The following PLEKHA2 variants were observed in gnomAD, a reference collection of about 807,000 sequenced individuals.
PLEKHA2 encodes the protein pleckstrin homology domain containing A2.
Under a neutral mutation model 53.2 loss-of-function variants are expected in PLEKHA2, and 28 were observed. That is an observed-to-expected ratio of 0.53 (90% CI 0.39 to 0.72). The LOEUF is 0.72. Among genes scored for constraint, PLEKHA2 ranks in the 30% least tolerant of loss-of-function variants. The pLI, the probability that PLEKHA2 is intolerant of heterozygous loss-of-function variation, is 0.00. For missense variants in PLEKHA2, 426 were observed against 537.9 expected (o/e 0.79, Z 2.06); for synonymous variants, 193 against 196.4 (o/e 0.98, Z 0.14).
At chr8:38,913,474 A>G (rs1833985939) in intron 1 of PLEKHA2, among the ~76,000 whole-genome samples, 1 of 152,064 alleles carries the variant, frequency 6.6e-6, no homozygotes, top group Non-Finnish European at 1.5e-5. Flanking sequence ...GATTGAGCCC[A>G]GGACAGTTAC....
chr8:38,968,079 C>G (rs1249034522), intron 10 of PLEKHA2, among the ~76,000 whole-genome samples: 1 of 152,076 alleles, frequency 6.6e-6, no homozygotes, highest in Non-Finnish European at 1.5e-5. Context: ...TTTCTGAAGG[C>G]AATACATATC....
chr8:38,937,522 G>T (rs1200985856), intron 3 of PLEKHA2, among the ~76,000 whole-genome samples: 1 of 152,090 alleles, frequency 6.6e-6, no homozygotes, highest in Non-Finnish European at 1.5e-5. Flanking sequence ...TTTGGTTGGG[G>T]AAGAATGAAT....
intron 3 of PLEKHA2, among the ~76,000 whole-genome samples, chr8:38,937,247 C>T (rs193286862): frequency 1.3e-5 from 2 of 152,322 alleles, no homozygotes; most frequent in African/African-American, 4.8e-5. Flanking sequence ...TTTTCAAGTC[C>T]AGCCTTGCTA....
At position 38,973,296 on chromosome 8, in the gene PLEKHA2, G is replaced by C. The variant is rs1004592720; in HGVS notation, c.*3513G>C. On this transcript the variant is annotated 3_prime_UTR_variant, in exon 12 of 12. Transcript: ENST00000617275. Reference sequence around the variant, plus strand: ...TCTGAGTTGAATACTCAGCTCCCACGAGAAAGAAAGTAGTTTTAAGGTCCA... The same window carrying C: ...TCTGAGTTGAATACTCAGCTCCCACCAGAAAGAAAGTAGTTTTAAGGTCCA... The C allele has an allele frequency of 1.3e-5, 2 of 151,990 alleles. No individual in the cohort carries two copies. The highest frequency in any genetic ancestry group is 2.9e-5 in the Non-Finnish European group (2 of 68,006). 9.4% of individuals were successfully genotyped at this position (151,990 alleles called of 1,614,324 possible).
intron 2 of PLEKHA2, among the ~76,000 whole-genome samples, chr8:38,920,041 G>C (rs1167663857): frequency 1.3e-5 from 2 of 151,798 alleles, no homozygotes; most frequent in South Asian, 4.2e-4. Flanking sequence ...GCATGATCTC[G>C]GCTCACTGCA....
rs1368121689 is a variant in PLEKHA2, at chr8:38,970,016, AG to A, written c.*235del. On this transcript the variant is annotated 3_prime_UTR_variant, in exon 12 of 12. Coordinates refer to ENST00000617275, the MANE Select transcript of PLEKHA2 (RefSeq NM_021623.2). ...GTGTATTTAATTTGGGGAAGTCACT[AG>A]GTTAGAACTGTAGGCATACTCAGTG... The A allele has an allele frequency of 1.6e-6, 1 of 619,500 alleles. No individual in the cohort carries two copies. The highest frequency in any genetic ancestry group is 2.8e-5 in the East Asian group (1 of 35,682). The allele number at this position is 619,500 out of a possible 1,614,324, so 38.4% of individuals were successfully genotyped here. A position where few individuals can be genotyped will look rare whatever the true frequency, so the allele number is the denominator to read the frequency against.
At chr8:38,946,355 C>A in intron 5 of PLEKHA2, 134 bp downstream of exon 5, 1 of 693,792 alleles carries the variant, frequency 1.4e-6, no homozygotes, top group South Asian at 1.8e-5. Flanking sequence ...CAGTTCTCTC[C>A]CACCTCGTCT....
intron 3 of PLEKHA2, among the ~76,000 whole-genome samples, chr8:38,940,806 A>T (rs1378405675): frequency 6.6e-6 from 1 of 152,000 alleles, no homozygotes; most frequent in East Asian, 1.9e-4. Context: ...CCTTTGCTCA[A>T]ATCATCATTT....
intron 9 of PLEKHA2, among the ~76,000 whole-genome samples, chr8:38,956,229 C>A (rs894010026): frequency 2.6e-5 from 4 of 152,238 alleles, no homozygotes; most frequent in East Asian, 1.9e-4. Context: ...TGAGGTTTGT[C>A]ACTGAGCATC....
At chr8:38,965,785 C>T (rs533642532) in intron 10 of PLEKHA2, among the ~76,000 whole-genome samples, 4 of 152,082 alleles carry the variant, frequency 2.6e-5, no homozygotes, top group South Asian at 4.2e-4. Flanking sequence ...ATTTTTTTGT[C>T]GCATATCATA....
intron 10 of PLEKHA2, among the ~76,000 whole-genome samples, chr8:38,966,646 G>A (rs933049995): frequency 6.6e-6 from 1 of 152,206 alleles, no homozygotes; most frequent in African/African-American, 2.4e-5. Context: ...TAGAGCCGCT[G>A]CTGCCCCCTT....
intron 2 of PLEKHA2, among the ~76,000 whole-genome samples, chr8:38,930,052 G>T (rs1428456157): frequency 6.6e-6 from 1 of 152,194 alleles, no homozygotes; most frequent in East Asian, 1.9e-4. Context: ...CACCTCAGCT[G>T]CTTCCTTGGT....
rs1048205876 is a variant in PLEKHA2 at position 38,955,986 on chromosome 8, T to C, written c.774-1337T>C. On this transcript the variant is annotated intron_variant, in intron 9 of 11. Transcript: ENST00000617275. Reference sequence around the variant, plus strand: ...CCACCACACCTGACTCAGTTTTGTATTTTTTTTTATAGAGAACAAGGTTCA... The same window carrying C: ...CCACCACACCTGACTCAGTTTTGTACTTTTTTTTATAGAGAACAAGGTTCA... Among the ~76,000 whole-genome samples the C allele has an allele frequency of 3.3e-5, 5 of 151,246 alleles. No individual in the cohort carries two copies. The East Asian group carries it at 9.7e-4, about 29-fold the overall frequency.
intron 2 of PLEKHA2, among the ~76,000 whole-genome samples, chr8:38,934,615 T>TGCCTTGG (rs1195457343): frequency 6.6e-6 from 1 of 152,138 alleles, no homozygotes; most frequent in Admixed American, 6.5e-5. Context: ...GGCATGGGAC[T>TGCCTTGG]GCCTTGGGTT....
chr8:38,910,817 A>G (rs1009816290), intron 1 of PLEKHA2, among the ~76,000 whole-genome samples: 3 of 152,236 alleles, frequency 2.0e-5, no homozygotes, highest in African/African-American at 7.2e-5. Context: ...AAATTATAGT[A>G]AAACCAGTCC....
chr8:38,951,469 G>A (rs1436134558), intron 6 of PLEKHA2, among the ~76,000 whole-genome samples: 1 of 91,822 alleles, frequency 1.1e-5, no homozygotes, highest in Admixed American at 1.4e-4. Context: ...ATTTATTTAA[G>A]TTTTTTTTTT....
At chr8:38,950,777 C>G (rs1009822196) in intron 5 of PLEKHA2, 73 bp from the exon 6 acceptor site, 1 of 1,543,566 alleles carries the variant, frequency 6.5e-7, no homozygotes, top group Non-Finnish European at 8.8e-7. Context: ...CACGGCAGCC[C>G]CATTCTGTTT....
chr8:38,950,648 G>T, intron 5 of PLEKHA2: 1 of 500,058 alleles, frequency 2.0e-6, no homozygotes, highest in Non-Finnish European at 3.4e-6. Context: ...CCTGGAGTCA[G>T]TTTGTATCTG....
Position 38,969,846 on chromosome 8 carries a change from C to T in PLEKHA2, c.*63C>T, listed in dbSNP as rs1242271677. ...GACTTGAGAGAAGGAGGCTGTGACT[C>T]AGTTTCTCTACCTTGTTGGAGGGTA... On this transcript the variant is annotated 3_prime_UTR_variant, in exon 12 of 12. Transcript: ENST00000617275. 1 of 1,535,472 alleles carries T rather than the reference C, an allele frequency of 6.5e-7. No homozygotes were observed. Among genetic ancestry groups the T allele is most frequent in the Non-Finnish European group, 8.7e-7 (1 of 1,143,718 alleles).
Sources: gnomAD v4.1 joint callset for allele counts (sites outside exome capture counted in the v4.1 genomes callset) on GRCh38, gnomAD v4.1.1 for gene constraint, MANE v1.5 for transcripts, NCBI Gene and HGNC (gene_info 2026-07-23, HGNC 2026-07-21) for gene names.